Variants in NHSL2 observed in about 807,000 individuals in gnomAD.
The protein encoded by NHSL2 is NHS-like protein 2.
NHSL2 carries 27 observed loss-of-function variants against 53.4 expected under a neutral mutation model. The observed-to-expected ratio is 0.51, with a 90% CI of 0.37 to 0.70. The LOEUF is 0.70. Among genes scored for constraint, NHSL2 ranks in the 30% least tolerant of loss-of-function variants. The pLI is 0.00. For missense variants in NHSL2, 892 were observed against 980.1 expected (o/e 0.91, Z 1.20); for synonymous variants, 408 against 404.1 (o/e 1.01, Z -0.12).
chrX:71,953,842 A>G (rs1156931717), intron 1 of NHSL2, among the ~76,000 whole-genome samples: 1 of 112,212 alleles, frequency 8.9e-6, no homozygotes, highest in Admixed American at 9.4e-5. Context: ...CAAGGCAGAA[A>G]TGGTGTGCCT....
intron 1 of NHSL2, among the ~76,000 whole-genome samples, chrX:71,916,096 C>T (rs999215718): frequency 9.0e-6 from 1 of 111,601 alleles, no homozygotes; most frequent in African/African-American, 3.3e-5. Context: ...TGGCCAGTGA[C>T]CCTGACACTG....
chrX:72,134,199 G>A lies in NHSL2; in HGVS notation c.545G>A (p.Arg182His), dbSNP rs770894070. The change falls in exon 3 of 8, where the codon CGT becomes CAT. Residue 182 changes from arginine (R) to histidine (H), a missense_variant. Arg to His is a conservative substitution (Grantham distance 29, BLOSUM62 0). Coordinates refer to ENST00000633930, the MANE Select transcript of NHSL2 (RefSeq NM_001013627.3). ...AACCCAAGGCCCCAGTCTGCCAGGC[G>A]TCTGGAGTTTATATTGATGGTGAGT... Reference protein sequence around the residue: ...TPNPRPQSARRLEFILMPTKR... With the variant: ...TPNPRPQSARHLEFILMPTKR... 2.8e-5 allele frequency: 33 copies of A among 1,165,958 alleles called. No individual in the cohort carries two copies. Among genetic ancestry groups the A allele is most frequent in the South Asian group, 3.8e-5 (2 of 52,527 alleles).
chrX:72,090,772 A>AGTGTGTGT (rs372070874), intron 1 of NHSL2, among the ~76,000 whole-genome samples: 3 of 94,030 alleles, frequency 3.2e-5, no homozygotes, highest in African/African-American at 7.7e-5. Flanking sequence ...AGTGTATGTG[A>AGTGTGTGT]GTGTGTGTGT....
intron 1 of NHSL2, among the ~76,000 whole-genome samples, chrX:72,110,387 G>A (rs769530936): frequency 9.0e-6 from 1 of 111,229 alleles, no homozygotes; most frequent in South Asian, 3.8e-4. Flanking sequence ...ACTGTATCTC[G>A]TTGTGTCCTC....
intron 1 of NHSL2, among the ~76,000 whole-genome samples, chrX:72,033,043 G>T (rs1318320027): frequency 1.2e-4 from 13 of 111,648 alleles, no homozygotes; most frequent in Non-Finnish European, 2.4e-4. Flanking sequence ...CCTTTTTCAA[G>T]ATTGTTTTAG....
At chrX:71,964,615 T>C (rs1230225251) in intron 1 of NHSL2, among the ~76,000 whole-genome samples, 1 of 111,693 alleles carries the variant, frequency 9.0e-6, no homozygotes, top group Non-Finnish European at 1.9e-5. Context: ...TGAAGCATAG[T>C]TCCCTAGATC....
intron 1 of NHSL2, among the ~76,000 whole-genome samples, chrX:72,093,717 GCTTGCTTTCTTTCTTTCTTTCTTT>G (rs1341997160): frequency 2.7e-4 from 21 of 78,682 alleles, no homozygotes; most frequent in African/African-American, 9.5e-4. Context: ...AGTATAGCTT[GCTTGCTTTCTTTCTTTCTTTCTTT>G]CTTTCTTTCT....
chrX:72,144,881 C>A lies in NHSL2; in HGVS notation c.*1307C>A. On this transcript the variant is annotated 3_prime_UTR_variant, in exon 8 of 8. Coordinates refer to ENST00000633930, the MANE Select transcript of NHSL2 (RefSeq NM_001013627.3). The stretch of plus-strand genomic sequence containing the variant: ...ATAATCATTGCGACCCCTCCCTGCC[C>A]CCACCCCCCACGAAGCTTATAGGCA... 1 of 132,865 alleles carries A rather than the reference C, an allele frequency of 7.5e-6. No homozygotes were observed. Among genetic ancestry groups the A allele is most frequent in the Non-Finnish European group, 1.5e-5 (1 of 66,423 alleles). The allele number at this position is 132,865 out of a possible 1,213,427, so 10.9% of individuals were successfully genotyped here. A position where few individuals can be genotyped will look rare whatever the true frequency, so the allele number is the denominator to read the frequency against.
At chrX:72,069,357 C>T (rs1291329147) in intron 1 of NHSL2, among the ~76,000 whole-genome samples, 3 of 101,551 alleles carry the variant, frequency 3.0e-5, no homozygotes, top group Non-Finnish European at 6.0e-5. Flanking sequence ...CTGGGCTGCT[C>T]GACCCGAGTG....
intron 1 of NHSL2, chrX:72,069,793 G>T (rs2042456095): frequency 6.5e-6 from 5 of 763,371 alleles, no homozygotes; most frequent in Non-Finnish European, 8.4e-6. Flanking sequence ...GGCTCCTACA[G>T]CCAGGGCCTC....
At chrX:71,911,851 G>A (rs1341715686) in intron 1 of NHSL2, among the ~76,000 whole-genome samples, 1 of 112,816 alleles carries the variant, frequency 8.9e-6, no homozygotes, top group Non-Finnish European at 1.9e-5. Context: ...GGCAGGAGCC[G>A]GCGGTGGTGC....
At chrX:71,961,619 T>C (rs184815653) in intron 1 of NHSL2, among the ~76,000 whole-genome samples, 48 of 111,376 alleles carry the variant, frequency 4.3e-4, no homozygotes, top group African/African-American at 1.6e-3. Context: ...TTGAATACGA[T>C]GTTAGCTTTG....
intron 1 of NHSL2, among the ~76,000 whole-genome samples, chrX:71,945,494 A>G (rs1051207943): frequency 1.8e-5 from 2 of 111,694 alleles, no homozygotes; most frequent in Non-Finnish European, 3.8e-5. Context: ...CCCACCCCGC[A>G]ACCCCTGCCG....
At chrX:71,938,986 G>T in intron 1 of NHSL2, among the ~76,000 whole-genome samples, 1 of 112,606 alleles carries the variant, frequency 8.9e-6, no homozygotes, top group African/African-American at 3.2e-5. Context: ...AGTGGGGGAA[G>T]AAAATGATTA....
chrX:71,918,303 T>C (rs989745853), intron 1 of NHSL2, among the ~76,000 whole-genome samples: 2 of 112,105 alleles, frequency 1.8e-5, no homozygotes, highest in African/African-American at 6.5e-5. Context: ...TTATTTTTCT[T>C]TCTGAATAGC....
intron 1 of NHSL2, chrX:72,127,460 C>T (rs1255057561): frequency 8.9e-6 from 1 of 111,877 alleles, no homozygotes; most frequent in Non-Finnish European, 1.9e-5. Context: ...TCTGCTCTAT[C>T]CCTGGCTGTA....
At position 72,139,237 on chromosome X, in the gene NHSL2, G is replaced by T; in HGVS notation, c.1689G>T (p.Lys563Asn). 8.5e-7 allele frequency: 1 copy of T among 1,182,921 alleles called. No individual in the cohort carries two copies. Among genetic ancestry groups the T allele is most frequent in the Non-Finnish European group, 1.1e-6 (1 of 880,852 alleles). The change falls in exon 6 of 8, where the codon AAG (lysine) becomes AAT (asparagine). Residue 563 changes from lysine to asparagine, a missense_variant. Lys to Asn is a moderately conservative substitution (Grantham distance 94). Transcript: ENST00000633930. ...GGTCCAAGAGTATCTCACTTAGGAA[G>T]GCCAAAAAGAAGCCTTCCCCACCCA... The part of the protein sequence containing the change: ...RQRSKSISLR[K>N]AKKKPSPPTR...
At chrX:72,067,928 G>T (rs1602343753) in intron 1 of NHSL2, among the ~76,000 whole-genome samples, 1 of 112,323 alleles carries the variant, frequency 8.9e-6, no homozygotes, top group East Asian at 2.8e-4. Context: ...AACAGGAGAG[G>T]TTCCTAGCAG....
intron 1 of NHSL2, among the ~76,000 whole-genome samples, chrX:72,089,407 G>A (rs1394049276): frequency 2.7e-5 from 3 of 111,593 alleles, no homozygotes; most frequent in Non-Finnish European, 5.6e-5. Context: ...ATGAGTCCCT[G>A]GGGTACTCAC....
Sources: gnomAD v4.1 joint callset for allele counts (sites outside exome capture counted in the v4.1 genomes callset) on GRCh38, gnomAD v4.1.1 for gene constraint, MANE v1.5 for transcripts, NCBI Gene and HGNC (gene_info 2026-07-23, HGNC 2026-07-21) for gene names.